The following SPIDR variants were observed in gnomAD, a reference collection of about 807,000 sequenced individuals.
SPIDR encodes scaffold protein involved in DNA repair, also known as DNA repair-scaffolding protein.
A neutral mutation model predicts 104.6 loss-of-function variants in SPIDR; 93 were observed. That is an observed-to-expected ratio of 0.89 (90% confidence interval 0.75 to 1.06). SPIDR has a LOEUF of 1.06. Ranked by LOEUF, SPIDR falls within the 50% of genes least tolerant of loss-of-function variation. The probability of loss-of-function intolerance (pLI) is 0.00; values close to 1 mark genes in which losing one functional copy is unlikely to be tolerated. For missense variants in SPIDR, 1,154 were observed against 1,111.2 expected, an observed-to-expected ratio of 1.04 and a Z score of -0.55; for synonymous variants, 431 against 416.9, an observed-to-expected ratio of 1.03 and a Z score of -0.41.
At position 47,713,513 on chromosome 8, in the gene SPIDR, C is replaced by G; in HGVS notation, c.2213C>G (p.Thr738Ser). The change falls in exon 16 of 20, where the codon ACT becomes AGT. Residue 738 changes from threonine to serine, a missense_variant. Thr to Ser is a moderately conservative substitution (Grantham distance 58). Coordinates refer to ENST00000297423, the MANE Select transcript of SPIDR (RefSeq NM_001080394.4). ...DQGRIVCAER[T>S]VLLLQKPLLS... ...GGTCGGATTGTTTGTGCTGAACGAA[C>G]TGTCCTCTTGCTTCAGAAGCCCCTT... 6.2e-7 allele frequency: 1 copy of G among 1,614,190 alleles called. No individual in the cohort carries two copies. Among genetic ancestry groups the G allele is most frequent in the Non-Finnish European group, 8.5e-7 (1 of 1,180,036 alleles).
At chr8:47,401,288 A>G (rs2061849919) in intron 6 of SPIDR, among the ~76,000 whole-genome samples, 1 of 152,194 alleles carries the variant, frequency 6.6e-6, no homozygotes, top group Non-Finnish European at 1.5e-5. Context: ...ATGCTGAGAG[A>G]TTTTGTCACC....
At chr8:47,464,770 A>G (rs6472453) in intron 8 of SPIDR, among the ~76,000 whole-genome samples, 17,667 of 147,440 alleles carry the variant, frequency 0.12, 1,337 homozygotes, top group African/African-American at 0.22. Context: ...GTTTTTTTCT[A>G]TTTTGAGGAG....
chr8:47,323,757 G>A (rs964353187), intron 5 of SPIDR, among the ~76,000 whole-genome samples: 1 of 152,082 alleles, frequency 6.6e-6, no homozygotes, highest in Non-Finnish European at 1.5e-5. Context: ...GACATTCCTA[G>A]GGTTTGTAAT....
intron 7 of SPIDR, among the ~76,000 whole-genome samples, chr8:47,426,692 G>T (rs1228354173): frequency 6.6e-6 from 1 of 152,192 alleles, no homozygotes; most frequent in Non-Finnish European, 1.5e-5. Flanking sequence ...CTGCCTGGAG[G>T]CTGGGAAGCC....
chr8:47,437,138 C>T (rs1585691340), intron 7 of SPIDR, among the ~76,000 whole-genome samples: 1 of 151,892 alleles, frequency 6.6e-6, no homozygotes, highest in Non-Finnish European at 1.5e-5. Flanking sequence ...TACATGTGCA[C>T]ATTGTGCAGG....
At chr8:47,517,360 C>A (rs765506620) in intron 8 of SPIDR, among the ~76,000 whole-genome samples, 1 of 152,114 alleles carries the variant, frequency 6.6e-6, no homozygotes, top group African/African-American at 2.4e-5. Flanking sequence ...TAAAAGTCTG[C>A]TACTAAGATA....
intron 8 of SPIDR, among the ~76,000 whole-genome samples, chr8:47,486,889 C>T (rs1225969788): frequency 6.6e-6 from 1 of 152,176 alleles, no homozygotes; most frequent in African/African-American, 2.4e-5. Context: ...GCAGCCACTG[C>T]AAAAACATGC....
At position 47,735,936 on chromosome 8, in the gene SPIDR, T is replaced by C. The variant is rs1173135697; in HGVS notation, c.*486T>C. 2 of 232,502 alleles carry C rather than the reference T, an allele frequency of 8.6e-6. No homozygotes were observed. The highest frequency in any genetic ancestry group is 1.7e-5 in the Non-Finnish European group (2 of 116,004). The allele number at this position is 232,502 out of a possible 1,614,324, so 14.4% of individuals were successfully genotyped here. ...TAAGCACTTTGCAGTTCACTACTTT[T>C]GGGAAAATGTTCTAGGGAACTGTAT... On this transcript the variant is annotated 3_prime_UTR_variant, in exon 20 of 20. Transcript: ENST00000297423.
chr8:47,310,007 C>T (rs941222176), intron 5 of SPIDR, among the ~76,000 whole-genome samples: 14 of 149,122 alleles, frequency 9.4e-5, no homozygotes, highest in South Asian at 2.1e-4. Context: ...CCACTGCACT[C>T]CAGCCTGGGC....
intron 11 of SPIDR, among the ~76,000 whole-genome samples, chr8:47,689,881 C>G (rs1025274685): frequency 2.6e-5 from 4 of 152,114 alleles, no homozygotes; most frequent in Admixed American, 6.5e-5. Context: ...TTGTTGTTTT[C>G]TTCTTCATTA....
chr8:47,434,983 C>CT lies in SPIDR; in HGVS notation c.878-5332dup, dbSNP rs1432397853. On this transcript the variant is annotated intron_variant, in intron 7 of 19. Coordinates refer to ENST00000297423, the MANE Select transcript of SPIDR (RefSeq NM_001080394.4). ...TGTGTTTCTTTTTTTCATTTTTTTTCTTTTTTTTGAGAGACAGGGTCTCAC... is the reference window on the plus strand; with the variant it reads ...TGTGTTTCTTTTTTTCATTTTTTTTCTTTTTTTTTGAGAGACAGGGTCTCAC... Among the ~76,000 whole-genome samples the CT allele has an allele frequency of 5.3e-5, 8 of 150,482 alleles. No homozygotes were observed. In the East Asian group the frequency reaches 5.8e-4, roughly 11 times the overall value.
intron 8 of SPIDR, among the ~76,000 whole-genome samples, chr8:47,544,316 G>A (rs2088836066): frequency 6.6e-6 from 1 of 151,832 alleles, no homozygotes; most frequent in South Asian, 2.1e-4. Context: ...TGCAATCTCT[G>A]GCTTATATTT....
At chr8:47,518,137 A>G (rs2083438406) in intron 8 of SPIDR, among the ~76,000 whole-genome samples, 1 of 152,240 alleles carries the variant, frequency 6.6e-6, no homozygotes, top group African/African-American at 2.4e-5. Context: ...CATGTGAAAG[A>G]GTGCATTGGT....
chr8:47,559,012 A>T (rs2154400604), intron 8 of SPIDR, among the ~76,000 whole-genome samples: 1 of 152,292 alleles, frequency 6.6e-6, no homozygotes, highest in South Asian at 2.1e-4. Flanking sequence ...TAAGGCAGTG[A>T]TGGATCTTGT....
intron 8 of SPIDR, among the ~76,000 whole-genome samples, chr8:47,578,174 T>G (rs1308626200): frequency 1.3e-5 from 2 of 152,166 alleles, no homozygotes; most frequent in African/African-American, 4.8e-5. Context: ...TACTCATGAT[T>G]TTCAAAAAAC....
intron 8 of SPIDR, among the ~76,000 whole-genome samples, chr8:47,577,441 G>A (rs185329303): frequency 6.5e-4 from 99 of 152,304 alleles, no homozygotes; most frequent in African/African-American, 1.8e-3. Context: ...ATGTGTGCTC[G>A]GTACAGTTGC....
chr8:47,373,045 C>T (rs576138674), intron 5 of SPIDR, among the ~76,000 whole-genome samples: 1 of 152,238 alleles, frequency 6.6e-6, no homozygotes, highest in African/African-American at 2.4e-5. Context: ...AATTATGAAC[C>T]TTGTGATCTA....
intron 3 of SPIDR, among the ~76,000 whole-genome samples, chr8:47,288,791 A>T (rs1299893787): frequency 6.6e-6 from 1 of 152,260 alleles, no homozygotes; most frequent in Non-Finnish European, 1.5e-5. Flanking sequence ...GTAAGTGTTC[A>T]GTAAATGTTG....
intron 5 of SPIDR, among the ~76,000 whole-genome samples, chr8:47,300,438 G>A (rs1554576476): frequency 6.6e-5 from 10 of 151,976 alleles, no homozygotes; most frequent in African/African-American, 2.4e-4. Flanking sequence ...AGGGTTTTTT[G>A]TGTCTCTATT....
Sources: gnomAD v4.1 joint callset for allele counts (sites outside exome capture counted in the v4.1 genomes callset) on GRCh38, gnomAD v4.1.1 for gene constraint, MANE v1.5 for transcripts, NCBI Gene and HGNC (gene_info 2026-07-23, HGNC 2026-07-21) for gene names.